BRAF: variants seen among roughly 807,000 people sequenced by gnomAD.
BRAF encodes the protein B-Raf proto-oncogene, serine/threonine kinase, also known as serine/threonine-protein kinase B-raf.
Under a neutral mutation model 104.6 loss-of-function variants are expected in BRAF, and 16 were observed. The ratio of observed to expected loss-of-function variants is 0.15; its 90% CI spans 0.10 to 0.23. The LOEUF (loss-of-function observed/expected upper bound fraction) is 0.23, where lower values mean the gene tolerates loss of function less well. Ranked by LOEUF, BRAF falls within the 10% of genes least tolerant of loss-of-function variation. The pLI, the probability that BRAF is intolerant of heterozygous loss-of-function variation, is 1.00. For synonymous variants in BRAF, 310 were observed against 341.6 expected, an observed-to-expected ratio of 0.91 and a Z score of 1.02; for missense variants, 541 against 937.3, an observed-to-expected ratio of 0.58 and a Z score of 5.52.
intron 19 of BRAF, chr7:140,732,588 A>G (rs1796068283): frequency 6.6e-6 from 1 of 152,226 alleles, no homozygotes; most frequent in Admixed American, 6.5e-5. Flanking sequence ...TACTGGCTAC[A>G]GAATGGAACA....
At chr7:140,789,734 G>T (rs1180831666) in intron 8 of BRAF, among the ~76,000 whole-genome samples, 1 of 152,136 alleles carries the variant, frequency 6.6e-6, no homozygotes, top group African/African-American at 2.4e-5. Flanking sequence ...AAGTGATACA[G>T]GTGATAAGAT....
At chr7:140,810,004 G>C (rs906148392) in intron 3 of BRAF, among the ~76,000 whole-genome samples, 3 of 152,144 alleles carry the variant, frequency 2.0e-5, no homozygotes, top group African/African-American at 7.2e-5. Context: ...TGTGAATACA[G>C]AGGACACAGT....
chr7:140,849,151 A>C (rs1364727005), intron 2 of BRAF, among the ~76,000 whole-genome samples: 1 of 152,174 alleles, frequency 6.6e-6, no homozygotes, highest in Non-Finnish European at 1.5e-5. Flanking sequence ...AGTAGTGAGC[A>C]GTGTGGGCTG....
intron 1 of BRAF, among the ~76,000 whole-genome samples, chr7:140,889,626 TA>T (rs1352607850): frequency 6.6e-6 from 1 of 152,148 alleles, no homozygotes; most frequent in Non-Finnish European, 1.5e-5. Context: ...TTTAAAATCC[TA>T]ACTAAAAGGA....
intron 16 of BRAF, among the ~76,000 whole-genome samples, chr7:140,750,189 C>A (rs1797676112): frequency 6.6e-6 from 1 of 152,076 alleles, no homozygotes; most frequent in Non-Finnish European, 1.5e-5. Context: ...CACCTTGCGT[C>A]TTCTGTATTG....
At chr7:140,860,473 AAAAAAAAAG>A (rs1253541202) in intron 1 of BRAF, among the ~76,000 whole-genome samples, 33 of 146,466 alleles carry the variant, frequency 2.3e-4, no homozygotes, top group Middle Eastern at 3.4e-3. Context: ...TAGAAAAAAA[AAAAAAAAAG>A]AAAAAAAAGA....
chr7:140,900,806 T>C (rs1815538659), intron 1 of BRAF, among the ~76,000 whole-genome samples: 2 of 152,192 alleles, frequency 1.3e-5, no homozygotes, highest in Non-Finnish European at 1.5e-5. Context: ...AGACGGGGTT[T>C]CACCATGTTG....
intron 17 of BRAF, among the ~76,000 whole-genome samples, chr7:140,742,255 G>A (rs1292910823): frequency 6.7e-6 from 1 of 148,626 alleles, no homozygotes; most frequent in Non-Finnish European, 1.5e-5. Flanking sequence ...GTAGTGGTGT[G>A]ATCTCGGCTC....
chr7:140,803,050 T>G (rs1328763303), intron 5 of BRAF, among the ~76,000 whole-genome samples: 2 of 152,226 alleles, frequency 1.3e-5, no homozygotes, highest in African/African-American at 4.8e-5. Context: ...TGCCACTGTG[T>G]TAAGGTTACC....
Position 140,720,013 on chromosome 7 carries a change from G to A in BRAF, c.*6481C>T. 1.9e-6 allele frequency: 2 copies of A among 1,062,088 alleles called. No individual in the cohort carries two copies. Among genetic ancestry groups the A allele is most frequent in the Non-Finnish European group, 2.3e-6 (2 of 877,284 alleles). The allele number at this position is 1,062,088 out of a possible 1,614,324, so 65.8% of individuals were successfully genotyped here. ...CTTTCCTCTCCCTTACAGGAGTCAT[G>A]TCCTCAAACCAAGGAATACATGAAA... On this transcript the variant is annotated 3_prime_UTR_variant, in exon 20 of 20. Transcript: ENST00000644969.
Position 140,722,836 on chromosome 7 carries a change from T to C in BRAF, c.*3658A>G. 1 of 1,053,238 alleles carries C rather than the reference T, an allele frequency of 9.5e-7. No homozygotes were observed. The highest frequency in any genetic ancestry group is 1.1e-6 in the Non-Finnish European group (1 of 871,744). 65.2% of individuals were successfully genotyped at this position (1,053,238 alleles called of 1,614,324 possible). A position where few individuals can be genotyped will look rare whatever the true frequency, so the allele number is the denominator to read the frequency against. On this transcript the variant is annotated 3_prime_UTR_variant, in exon 20 of 20. Coordinates refer to ENST00000644969, the MANE Select transcript of BRAF (RefSeq NM_001374258.1). ...TAATTTCATGCAATTGACTCAAGGT[T>C]AAGATTCTGAAACGTACCCCTAAAC...
intron 12 of BRAF, among the ~76,000 whole-genome samples, 159 bp from the exon 12 acceptor site, chr7:140,778,234 C>G (rs1800518725): frequency 6.6e-6 from 1 of 152,112 alleles, no homozygotes; most frequent in Middle Eastern, 3.2e-3. Flanking sequence ...CATTTGTTTT[C>G]TAAGGCTAAA....
intron 14 of BRAF, among the ~76,000 whole-genome samples, chr7:140,760,486 C>T (rs1404792017): frequency 6.6e-6 from 1 of 150,602 alleles, no homozygotes; most frequent in Non-Finnish European, 1.5e-5. Flanking sequence ...TGAGTGGGGT[C>T]CAAGATAAAA....
At chr7:140,814,822 T>TATATATAACATATATAATA (rs1562973276) in intron 3 of BRAF, among the ~76,000 whole-genome samples, 4 of 145,246 alleles carry the variant, frequency 2.8e-5, no homozygotes, top group African/African-American at 1.0e-4. Context: ...CATATATAAT[T>TATATATAACATATATAATA]TATATATATT....
intron 1 of BRAF, among the ~76,000 whole-genome samples, chr7:140,879,678 G>A (rs1812659814): frequency 6.6e-6 from 1 of 151,442 alleles, no homozygotes; most frequent in Non-Finnish European, 1.5e-5. Context: ...GTTGATGGCT[G>A]CTGCCGGATC....
At chr7:140,871,936 G>A (rs1422485863) in intron 1 of BRAF, among the ~76,000 whole-genome samples, 1 of 152,126 alleles carries the variant, frequency 6.6e-6, no homozygotes, top group Non-Finnish European at 1.5e-5. Flanking sequence ...TTGCACAGAG[G>A]CCAGACACGG....
intron 17 of BRAF, among the ~76,000 whole-genome samples, chr7:140,745,562 T>C (rs1388324992): frequency 6.6e-6 from 1 of 152,134 alleles, no homozygotes; most frequent in East Asian, 1.9e-4. Flanking sequence ...AGCTTCAAAT[T>C]CTGGGACTGA....
At chr7:140,909,158 G>A (rs190136576) in intron 1 of BRAF, among the ~76,000 whole-genome samples, 2 of 152,136 alleles carry the variant, frequency 1.3e-5, no homozygotes, top group Non-Finnish European at 2.9e-5. Flanking sequence ...GGGCACAGTG[G>A]TTCATGCCTG....
rs566134479 is a variant in BRAF at position 140,860,020 on chromosome 7, T to C, written c.139-9808A>G. On this transcript the variant is annotated intron_variant, in intron 1 of 19. Transcript: ENST00000644969. Reference sequence around the variant, plus strand: ...AAATTTTTATGGAAGCACTGTATAATAGTAGCCTTTGGCTATTTTGAATAA... The same window carrying C: ...AAATTTTTATGGAAGCACTGTATAACAGTAGCCTTTGGCTATTTTGAATAA... Among the ~76,000 whole-genome samples the C allele has an allele frequency of 9.8e-5, 15 of 152,306 alleles. No individual in the cohort carries two copies. In the South Asian group the frequency reaches 1.5e-3, roughly 15 times the overall value.
Sources: allele counts gnomAD v4.1 joint callset (sites outside exome capture counted in the v4.1 genomes callset), GRCh38; gene constraint gnomAD v4.1.1; transcripts MANE v1.5; gene names NCBI Gene and HGNC (gene_info 2026-07-23, HGNC 2026-07-21).